The following GALNT17 variants were observed in gnomAD, a reference collection of about 807,000 sequenced individuals.
GALNT17 encodes the protein polypeptide N-acetylgalactosaminyltransferase 17.
A neutral mutation model predicts 63.7 loss-of-function variants in GALNT17; 29 were observed. The observed-to-expected ratio is 0.46, with a 90% CI of 0.34 to 0.62. GALNT17 has a LOEUF of 0.62. Ranked by LOEUF, GALNT17 falls within the 20% of genes least tolerant of loss-of-function variation. GALNT17 has a pLI of 0.01. For missense variants in GALNT17, 603 were observed against 799.6 expected, an observed-to-expected ratio of 0.75 and a Z score of 2.97; for synonymous variants, 305 against 318.3, an observed-to-expected ratio of 0.96 and a Z score of 0.45.
At chr7:71,174,060 T>A (rs73700901) in intron 1 of GALNT17, among the ~76,000 whole-genome samples, 7 of 152,030 alleles carry the variant, frequency 4.6e-5, no homozygotes, top group Non-Finnish European at 1.0e-4. Context: ...ATTCTTCAGT[T>A]CCCTGGCACA....
At chr7:71,201,073 A>G (rs1314545181) in intron 1 of GALNT17, among the ~76,000 whole-genome samples, 1 of 151,774 alleles carries the variant, frequency 6.6e-6, no homozygotes, top group Non-Finnish European at 1.5e-5. Flanking sequence ...TCTAATTTTA[A>G]TTTTAAAGAG....
At position 71,660,590 on chromosome 7, in the gene GALNT17, C is replaced by T. The variant is rs76497769; in HGVS notation, c.1081-4821C>T. Among the ~76,000 whole-genome samples, 176 of 152,320 alleles carry T rather than the reference C, an allele frequency of 1.2e-3. 1 individual carries two copies. Among genetic ancestry groups the T allele is most frequent in the Non-Finnish European group, 2.0e-3 (138 of 68,032 alleles). Reference sequence around the variant, plus strand: ...GTACTTGGGATACTCATAGCTGGGTCTTATGTGTGGTAGAAACATAAACTG... The same window carrying T: ...GTACTTGGGATACTCATAGCTGGGTTTTATGTGTGGTAGAAACATAAACTG... On this transcript the variant is annotated intron_variant, in intron 6 of 10. Coordinates refer to ENST00000333538, the MANE Select transcript of GALNT17 (RefSeq NM_022479.3).
At chr7:71,693,301 C>CATATATATATATATATATATAT (rs1280771901) in intron 9 of GALNT17, among the ~76,000 whole-genome samples, 1 of 82,558 alleles carries the variant, frequency 1.2e-5, no homozygotes, top group Admixed American at 1.4e-4. Flanking sequence ...CACACACACA[C>CATATATATATATATATATATAT]ACACACACAT....
intron 6 of GALNT17, among the ~76,000 whole-genome samples, chr7:71,582,378 T>C (rs1217781665): frequency 6.8e-6 from 1 of 147,684 alleles, no homozygotes; most frequent in African/African-American, 2.5e-5. Flanking sequence ...ATGGAGATCA[T>C]CCTGGCCAAC....
chr7:71,614,913 G>A (rs28371931), intron 6 of GALNT17, among the ~76,000 whole-genome samples: 12 of 123,796 alleles, frequency 9.7e-5, no homozygotes, highest in African/African-American at 2.7e-4. Flanking sequence ...GGGAGGAAGG[G>A]AGGGAAATAA....
chr7:71,380,243 A>G (rs1792819741), intron 2 of GALNT17, among the ~76,000 whole-genome samples: 1 of 152,148 alleles, frequency 6.6e-6, no homozygotes, highest in African/African-American at 2.4e-5. Context: ...TGAGAGGTAA[A>G]GAAGGGAGAC....
chr7:71,324,746 TA>T (rs1318609035), intron 1 of GALNT17, among the ~76,000 whole-genome samples: 5 of 106,788 alleles, frequency 4.7e-5, no homozygotes, highest in Admixed American at 9.9e-5. Context: ...AATTTAAAAA[TA>T]TATGCGTGCG....
intron 1 of GALNT17, among the ~76,000 whole-genome samples, chr7:71,176,804 G>A (rs1182049391): frequency 4.6e-5 from 7 of 152,122 alleles, no homozygotes; most frequent in Non-Finnish European, 1.0e-4. Flanking sequence ...GCTTCCCTCC[G>A]TGGAGCTGGA....
intron 1 of GALNT17, among the ~76,000 whole-genome samples, chr7:71,177,357 C>T (rs1788658860): frequency 6.6e-6 from 1 of 152,120 alleles, no homozygotes; most frequent in Non-Finnish European, 1.5e-5. Context: ...CCACTCTATC[C>T]CTCACTCTTC....
intron 2 of GALNT17, among the ~76,000 whole-genome samples, chr7:71,345,059 G>T (rs1214156373): frequency 2.0e-5 from 3 of 151,854 alleles, no homozygotes; most frequent in African/African-American, 7.2e-5. Flanking sequence ...ATTTGGCTCT[G>T]TGTTTGTAAG....
At chr7:71,281,780 C>A (rs1339270965) in intron 1 of GALNT17, among the ~76,000 whole-genome samples, 1 of 152,146 alleles carries the variant, frequency 6.6e-6, no homozygotes, top group Non-Finnish European at 1.5e-5. Flanking sequence ...CAGAAAAATC[C>A]ATTTTGACCT....
intron 1 of GALNT17, among the ~76,000 whole-genome samples, chr7:71,240,974 C>T (rs1298401928): frequency 6.6e-6 from 1 of 152,068 alleles, no homozygotes; most frequent in Admixed American, 6.5e-5. Context: ...TTTCTTTATC[C>T]AGTCCACTGT....
intron 1 of GALNT17, among the ~76,000 whole-genome samples, chr7:71,279,257 TTTC>T (rs1343903237): frequency 6.6e-6 from 1 of 151,910 alleles, no homozygotes; most frequent in Non-Finnish European, 1.5e-5. Context: ...TAATCTAGTA[TTTC>T]TTCTTATGGC....
intron 5 of GALNT17, among the ~76,000 whole-genome samples, chr7:71,465,002 C>G (rs1176158996): frequency 6.6e-6 from 1 of 152,096 alleles, no homozygotes; most frequent in Non-Finnish European, 1.5e-5. Flanking sequence ...AAAGAACCAT[C>G]TTAATACGAA....
At chr7:71,666,780 G>A (rs886704197) in intron 7 of GALNT17, among the ~76,000 whole-genome samples, 3 of 147,782 alleles carry the variant, frequency 2.0e-5, no homozygotes, top group Non-Finnish European at 4.4e-5. Context: ...TAAATGCTGT[G>A]TAAATAATTC....
chr7:71,460,706 C>T (rs1787437846), intron 5 of GALNT17, among the ~76,000 whole-genome samples: 1 of 152,148 alleles, frequency 6.6e-6, no homozygotes. Context: ...GCTGGTTGCC[C>T]ATTTTTATGG....
Position 71,134,835 on chromosome 7 carries a change from G to GTTTTT in GALNT17, c.238+1822_238+1826dup, listed in dbSNP as rs561383417. Among the ~76,000 whole-genome samples the GTTTTT allele has an allele frequency of 2.1e-4, 12 of 57,906 alleles. 1 individual carries two copies. The highest frequency in any genetic ancestry group is 7.7e-4 in the East Asian group (1 of 1,292). 38.0% of individuals were successfully genotyped at this position (57,906 alleles called of 152,430 possible). A position where few individuals can be genotyped will look rare whatever the true frequency, so the allele number is the denominator to read the frequency against. On this transcript the variant is annotated intron_variant, in intron 1 of 10. Transcript: ENST00000333538. ...TTAGTATCAGTTTCTTTGTTTTATG[G>GTTTTT]TTTTTTTTTTTTTTTTTTTTTTTTT... is the stretch of plus-strand genomic sequence containing the variant.
chr7:71,290,542 C>T (rs2115813881), intron 1 of GALNT17, among the ~76,000 whole-genome samples: 1 of 152,230 alleles, frequency 6.6e-6, no homozygotes, highest in Admixed American at 6.5e-5. Flanking sequence ...TGAGCCCAGG[C>T]CTGGCACAGC....
chr7:71,427,222 G>A (rs1786776116), intron 5 of GALNT17, among the ~76,000 whole-genome samples: 2 of 151,214 alleles, frequency 1.3e-5, no homozygotes, highest in South Asian at 4.2e-4. Context: ...TGGGACTACA[G>A]GTGCGTGCCT....
Sources: allele counts gnomAD v4.1 joint callset (sites outside exome capture counted in the v4.1 genomes callset), GRCh38; gene constraint gnomAD v4.1.1; transcripts MANE v1.5; gene names NCBI Gene and HGNC (gene_info 2026-07-23, HGNC 2026-07-21).